ZNF264: variants seen among roughly 807,000 people sequenced by gnomAD.
ZNF264 encodes the protein zinc finger protein 264.
ZNF264 carries 11 observed loss-of-function variants against 11.2 expected under a neutral mutation model. The observed-to-expected ratio is 0.98, with a 90% CI of 0.62 to 1.63. The LOEUF is 1.63. Ranked by LOEUF, ZNF264 falls within the 40% of genes most tolerant of loss-of-function variation. ZNF264 has a pLI of 0.00. For missense variants in ZNF264, 752 were observed against 768.1 expected (o/e 0.98, Z 0.25); for synonymous variants, 309 against 279.8 (o/e 1.10, Z -1.04).
chr19:57,198,364 A>G (rs2087227460), intron 2 of ZNF264, among the ~76,000 whole-genome samples: 1 of 151,956 alleles, frequency 6.6e-6, no homozygotes, highest in African/African-American at 2.4e-5. Context: ...GCATCATTCA[A>G]GTCCTTGATG....
At chr19:57,193,285 C>T (rs1307413075) in intron 1 of ZNF264, among the ~76,000 whole-genome samples, 1 of 152,170 alleles carries the variant, frequency 6.6e-6, no homozygotes, top group Non-Finnish European at 1.5e-5. Flanking sequence ...ACTGCAGGGA[C>T]TGTGAAAGGA....
In ZNF264 at chr19:57,220,422, C is replaced by T. The variant is rs1027532302; in HGVS notation, c.*7441C>T. 1 of 152,110 alleles carries T rather than the reference C, an allele frequency of 6.6e-6. No individual in the cohort carries two copies. The highest frequency in any genetic ancestry group is 1.5e-5 in the Non-Finnish European group (1 of 68,026). 9.4% of individuals were successfully genotyped at this position (152,110 alleles called of 1,614,324 possible). A position where few individuals can be genotyped will look rare whatever the true frequency, so the allele number is the denominator to read the frequency against. The stretch of plus-strand genomic sequence containing the variant: ...GGGAAGCGGTAAGACATGCATCTGG[C>T]TTTAGGAGTGTTTGAAGTGCCTAAA... On this transcript the variant is annotated 3_prime_UTR_variant, in exon 4 of 4. Coordinates refer to ENST00000263095, the MANE Select transcript of ZNF264 (RefSeq NM_003417.5).
chr19:57,193,062 A>G (rs73632782), intron 1 of ZNF264, among the ~76,000 whole-genome samples: 7,552 of 152,198 alleles, frequency 0.05, 636 homozygotes, highest in African/African-American at 0.17. Flanking sequence ...TAATTGAAAT[A>G]GACTTAATGT....
intron 3 of ZNF264, 105 bp from the exon 4 acceptor site, chr19:57,211,249 A>G (rs770763862): frequency 8.6e-6 from 10 of 1,163,454 alleles, no homozygotes; most frequent in East Asian, 7.7e-5. Flanking sequence ...AAATAGCAAC[A>G]CAGAGGCAAT....
At chr19:57,199,194 G>T (rs772844390) in intron 2 of ZNF264, among the ~76,000 whole-genome samples, 5 of 151,930 alleles carry the variant, frequency 3.3e-5, no homozygotes, top group Non-Finnish European at 7.3e-5. Flanking sequence ...GCCACCTCGG[G>T]ATCCAATTAT....
intron 1 of ZNF264, chr19:57,192,357 C>T: frequency 1.0e-6 from 1 of 985,324 alleles, no homozygotes; most frequent in Middle Eastern, 5.2e-4. Flanking sequence ...GGTTTTCCTG[C>T]GGCCGCTGAG....
chr19:57,206,331 C>T (rs2087292130), intron 3 of ZNF264, among the ~76,000 whole-genome samples: 1 of 152,114 alleles, frequency 6.6e-6, no homozygotes, highest in South Asian at 2.1e-4. Context: ...GCAAGCTCCG[C>T]CTCCCGGGTT....
Position 57,213,824 on chromosome 19 carries a change from T to C in ZNF264, c.*843T>C, listed in dbSNP as rs1275891151. The C allele has an allele frequency of 6.6e-6, 1 of 152,242 alleles. No individual in the cohort carries two copies. Among genetic ancestry groups the C allele is most frequent in the Non-Finnish European group, 1.5e-5 (1 of 68,044 alleles). 9.4% of individuals were successfully genotyped at this position (152,242 alleles called of 1,614,324 possible). A position where few individuals can be genotyped will look rare whatever the true frequency, so the allele number is the denominator to read the frequency against. On this transcript the variant is annotated 3_prime_UTR_variant, in exon 4 of 4. Coordinates refer to ENST00000263095, the MANE Select transcript of ZNF264 (RefSeq NM_003417.5). ...TTGGTATCTTTACTATGTTGGGTCT[T>C]GTAGTTCATGAGTGCAGGAGTAGGC...
Position 57,212,507 on chromosome 19 carries a change from C to T in ZNF264, c.1410C>T (p.Leu470=), listed in dbSNP as rs139384482. ...CGKAFSNRKD[L]IRHFSIHTGE... ...AAGCCTTTAGCAATCGGAAGGACCTCATTCGCCACTTCAGCATCCACACTG... is the reference window on the plus strand; with the variant it reads ...AAGCCTTTAGCAATCGGAAGGACCTTATTCGCCACTTCAGCATCCACACTG... The change falls in exon 4 of 4, where the codon CTC becomes CTT. Residue 470 remains leucine, a synonymous_variant. Transcript: ENST00000263095. 2 of 1,612,904 alleles carry T rather than the reference C, an allele frequency of 1.2e-6. No individual in the cohort carries two copies. The highest frequency in any genetic ancestry group is 2.7e-5 in the African/African-American group (2 of 74,528).
At position 57,213,176 on chromosome 19, in the gene ZNF264, A is replaced by G; in HGVS notation, c.*195A>G. On this transcript the variant is annotated 3_prime_UTR_variant, in exon 4 of 4. Transcript: ENST00000263095. The stretch of plus-strand genomic sequence containing the variant: ...AATTTTATCTCAGGAATTATTTTTA[A>G]AAGGAGGAGGGGACATAGAAAAAAT... 2 of 504,984 alleles carry G rather than the reference A, an allele frequency of 4.0e-6. No individual in the cohort carries two copies. Among genetic ancestry groups the G allele is most frequent in the Non-Finnish European group, 6.7e-6 (2 of 298,294 alleles). 31.3% of individuals were successfully genotyped at this position (504,984 alleles called of 1,614,324 possible).
At chr19:57,197,516 C>T (rs555137330) in intron 2 of ZNF264, among the ~76,000 whole-genome samples, 29 of 152,032 alleles carry the variant, frequency 1.9e-4, no homozygotes, top group South Asian at 1.4e-3. Flanking sequence ...CCACTGACAC[C>T]TCAAGCACCA....
intron 3 of ZNF264, among the ~76,000 whole-genome samples, chr19:57,206,628 G>A (rs2087294901): frequency 6.6e-6 from 1 of 152,102 alleles, no homozygotes; most frequent in African/African-American, 2.4e-5. Flanking sequence ...CATAGTAAGT[G>A]ACTCATCCGA....
intron 2 of ZNF264, chr19:57,195,057 A>T: frequency 2.8e-6 from 1 of 361,594 alleles, no homozygotes. Flanking sequence ...TGGGCCAGGC[A>T]CCTAGCTGGA....
rs1364538520 is a variant in ZNF264, at chr19:57,215,476, C to T, written c.*2495C>T. 6.6e-6 allele frequency: 1 copy of T among 152,130 alleles called. No individual in the cohort carries two copies. The highest frequency in any genetic ancestry group is 1.9e-4 in the East Asian group (1 of 5,186). 9.4% of individuals were successfully genotyped at this position (152,130 alleles called of 1,614,324 possible). A position where few individuals can be genotyped will look rare whatever the true frequency, so the allele number is the denominator to read the frequency against. Reference sequence around the variant, plus strand: ...GAAAGATGTAATTTTTGCTTCATCTCTCACTTCAGAGAACTAGCACTTTAT... The same window carrying T: ...GAAAGATGTAATTTTTGCTTCATCTTTCACTTCAGAGAACTAGCACTTTAT... On this transcript the variant is annotated 3_prime_UTR_variant, in exon 4 of 4. Transcript: ENST00000263095.
chr19:57,205,593 C>G, intron 3 of ZNF264, 101 bp downstream of exon 3: 1 of 1,035,910 alleles, frequency 9.7e-7, no homozygotes, highest in South Asian at 1.4e-5. Context: ...ATTGTGGCCT[C>G]TCTCTATATA....
intron 2 of ZNF264, among the ~76,000 whole-genome samples, chr19:57,198,233 A>C (rs938492995): frequency 6.6e-6 from 1 of 151,944 alleles, no homozygotes; most frequent in Non-Finnish European, 1.5e-5. Flanking sequence ...TAGCAGCTGC[A>C]ATTGGAGCAA....
Position 57,211,985 on chromosome 19 carries a change from C to T in ZNF264, c.888C>T (p.Phe296=), listed in dbSNP as rs754376174. Residue 296 remains phenylalanine, a synonymous_variant, in exon 4 of 4, where the codon TTC becomes TTT. Transcript: ENST00000263095. ...PYKCNECGKA[F]THRSNFVLHN... ...AGTGCAATGAATGCGGAAAGGCCTT[C>T]ACCCACCGCTCCAATTTTGTCTTGC... 5 of 1,614,050 alleles carry T rather than the reference C, an allele frequency of 3.1e-6. No individual in the cohort carries two copies. Among genetic ancestry groups the T allele is most frequent in the Non-Finnish European group, 4.2e-6 (5 of 1,180,006 alleles).
In ZNF264 at chr19:57,217,146, G is replaced by A. The variant is rs958688779; in HGVS notation, c.*4165G>A. ...AATTTTAAATAAAAATTCAAGTGTG[G>A]TTTCTACTGAATGCATGTCGCATTC... is the stretch of plus-strand genomic sequence containing the variant. On this transcript the variant is annotated 3_prime_UTR_variant, in exon 4 of 4. Transcript: ENST00000263095. The A allele has an allele frequency of 1.2e-4, 19 of 152,122 alleles. No individual in the cohort carries two copies. Among genetic ancestry groups the A allele is most frequent in the African/African-American group, 2.9e-4 (12 of 41,412 alleles). 9.4% of individuals were successfully genotyped at this position (152,122 alleles called of 1,614,324 possible).
chr19:57,195,322 T>C (rs866203007), intron 2 of ZNF264, among the ~76,000 whole-genome samples: 8 of 152,236 alleles, frequency 5.3e-5, no homozygotes, highest in Non-Finnish European at 8.8e-5. Flanking sequence ...GCAGATGTTT[T>C]CTTAGTACAA....
Sources: allele counts gnomAD v4.1 joint callset (sites outside exome capture counted in the v4.1 genomes callset), GRCh38; gene constraint gnomAD v4.1.1; transcripts MANE v1.5; gene names NCBI Gene and HGNC (gene_info 2026-07-23, HGNC 2026-07-21).